Variants in LMBRD2 observed in about 807,000 individuals in gnomAD.
The protein encoded by LMBRD2 is LMBR1 domain containing 2.
A neutral mutation model predicts 94.4 loss-of-function variants in LMBRD2; 55 were observed. The observed-to-expected ratio is 0.58, with a 90% CI of 0.47 to 0.73. LMBRD2 has a LOEUF of 0.73. LMBRD2 is among the 30% of genes least tolerant of loss of function. The pLI, the probability that LMBRD2 is intolerant of heterozygous loss-of-function variation, is 0.00. For missense variants in LMBRD2, 640 were observed against 831.9 expected, an observed-to-expected ratio of 0.77 and a Z score of 2.84; for synonymous variants, 246 against 272.4, an observed-to-expected ratio of 0.90 and a Z score of 0.95.
At position 36,099,659 on chromosome 5, in the gene LMBRD2, T is replaced by C. The variant is rs1743307427; in HGVS notation, c.*4387A>G. 6.6e-6 allele frequency: 1 copy of C among 152,130 alleles called. No individual in the cohort carries two copies. Among genetic ancestry groups the C allele is most frequent in the South Asian group, 2.1e-4 (1 of 4,830 alleles). 9.4% of individuals were successfully genotyped at this position (152,130 alleles called of 1,614,324 possible). ...ATAGTAAATCATTCTTTCTACTCTT[T>C]TGAACTAAGTACAGTAAAATTCTTT... On this transcript the variant is annotated 3_prime_UTR_variant, in exon 18 of 18. Coordinates refer to ENST00000296603, the MANE Select transcript of LMBRD2 (RefSeq NM_001007527.2).
chr5:36,137,578 A>T, intron 4 of LMBRD2, 137 bp from the exon 5 acceptor site: 10 of 512,440 alleles, frequency 2.0e-5, no homozygotes, highest in Non-Finnish European at 3.4e-5. Flanking sequence ...GTAATCATGA[A>T]TACTTAATAA....
chr5:36,103,924 C>T lies in LMBRD2; in HGVS notation c.*122G>A, dbSNP rs1268504376. 1.6e-6 allele frequency: 1 copy of T among 636,540 alleles called. No individual in the cohort carries two copies. The highest frequency in any genetic ancestry group is 2.9e-5 in the East Asian group (1 of 34,862). The allele number at this position is 636,540 out of a possible 1,614,324, so 39.4% of individuals were successfully genotyped here. ...CCTAAGATATAATTAATTCTCAGTG[C>T]CTTTTTTGTTATCTTGACACTTTTC... On this transcript the variant is annotated 3_prime_UTR_variant, in exon 18 of 18. Coordinates refer to ENST00000296603, the MANE Select transcript of LMBRD2 (RefSeq NM_001007527.2).
chr5:36,149,610 A>G (rs968482021), intron 1 of LMBRD2, among the ~76,000 whole-genome samples: 1 of 152,256 alleles, frequency 6.6e-6, no homozygotes, highest in African/African-American at 2.4e-5. Flanking sequence ...TTCCTTTTAA[A>G]GAGATGTAAG....
intron 13 of LMBRD2, among the ~76,000 whole-genome samples, chr5:36,112,571 C>T (rs547772306): frequency 7.9e-5 from 12 of 152,088 alleles, no homozygotes; most frequent in East Asian, 1.9e-4. Context: ...TGAGTTAATC[C>T]GAAAATTAAG....
At position 36,142,470 on chromosome 5, in the gene LMBRD2, T is replaced by C. The variant is rs375836017; in HGVS notation, c.272+32A>G. 8 of 1,248,136 alleles carry C rather than the reference T, an allele frequency of 6.4e-6. No individual in the cohort carries two copies. The African/African-American group carries it at 1.0e-4, about 16-fold the overall frequency. The allele number at this position is 1,248,136 out of a possible 1,614,324, so 77.3% of individuals were successfully genotyped here. On this transcript the variant is annotated intron_variant, in intron 3 of 17. Transcript: ENST00000296603. ...TTTTTAAACAATGTGTCCCCTACAATGTTTATATATTTTTTTTAAAAAAGG... is the reference window on the plus strand; with the variant it reads ...TTTTTAAACAATGTGTCCCCTACAACGTTTATATATTTTTTTTAAAAAAGG...
chr5:36,132,641 A>C (rs1744181982), intron 6 of LMBRD2, among the ~76,000 whole-genome samples: 1 of 141,784 alleles, frequency 7.1e-6, no homozygotes, highest in South Asian at 2.2e-4. Context: ...AAGATTAAAA[A>C]TGGGCAAAAG....
intron 9 of LMBRD2, among the ~76,000 whole-genome samples, chr5:36,118,539 C>A (rs1017596926): frequency 6.6e-6 from 1 of 151,464 alleles, no homozygotes; most frequent in African/African-American, 2.4e-5. Flanking sequence ...GGATACAACT[C>A]TAAAATAGTA....
At chr5:36,143,845 AT>A (rs1744475286) in intron 1 of LMBRD2, among the ~76,000 whole-genome samples, 1 of 151,892 alleles carries the variant, frequency 6.6e-6, no homozygotes, top group Non-Finnish European at 1.5e-5. Context: ...ATCCTCTATA[AT>A]TTAAGATTTT....
intron 4 of LMBRD2, among the ~76,000 whole-genome samples, chr5:36,140,821 T>A (rs778604515): frequency 1.3e-5 from 2 of 152,216 alleles, no homozygotes; most frequent in Non-Finnish European, 2.9e-5. Flanking sequence ...GAGAGCCCAG[T>A]TGAATTTAAT....
intron 9 of LMBRD2, among the ~76,000 whole-genome samples, chr5:36,121,683 A>T (rs940598110): frequency 5.3e-5 from 8 of 152,198 alleles, no homozygotes; most frequent in Admixed American, 1.3e-4. Flanking sequence ...TTTTAAGTAC[A>T]GTCATGTGTC....
intron 13 of LMBRD2, 43 bp from the exon 14 acceptor site, chr5:36,111,301 A>T (rs778092168): frequency 1.6e-6 from 2 of 1,234,324 alleles, no homozygotes; most frequent in Non-Finnish European, 2.4e-6. Flanking sequence ...ATTATTTCAC[A>T]TTGTAAATAT....
At chr5:36,111,331 G>T (rs1436310471) in intron 13 of LMBRD2, 73 bp from the exon 14 acceptor site, 2 of 987,234 alleles carry the variant, frequency 2.0e-6, no homozygotes, top group East Asian at 2.6e-5. Context: ...TTGTTCTTTA[G>T]CATTGTCACT....
rs1357811603 is a variant in LMBRD2, at chr5:36,114,524, G to A, written c.1543-3C>T. 1.2e-5 allele frequency: 18 copies of A among 1,522,734 alleles called. No individual in the cohort carries two copies. Among genetic ancestry groups the A allele is most frequent in the Non-Finnish European group, 1.6e-5 (18 of 1,144,028 alleles). 94.3% of individuals were successfully genotyped at this position (1,522,734 alleles called of 1,614,324 possible). ...AAAACTTTCATGGAACCCATAATCT[G>A]AAGAGCAAGAAAAAAGTAAGTTAAA... On this transcript the variant is annotated splice_region_variant and splice_polypyrimidine_tract_variant and intron_variant, in intron 12 of 17. Transcript: ENST00000296603.
At chr5:36,136,587 G>C in intron 5 of LMBRD2, 68 bp from the exon 6 acceptor site, 1 of 1,329,560 alleles carries the variant, frequency 7.5e-7, no homozygotes. Context: ...TGCATAAATA[G>C]ACTTTAACAC....
At chr5:36,135,403 G>T (rs886278388) in intron 6 of LMBRD2, among the ~76,000 whole-genome samples, 1 of 152,212 alleles carries the variant, frequency 6.6e-6, no homozygotes, top group East Asian at 1.9e-4. Flanking sequence ...AGGAACGAAA[G>T]TTGAGTGTTA....
intron 6 of LMBRD2, among the ~76,000 whole-genome samples, chr5:36,136,011 G>A (rs1021804930): frequency 1.3e-5 from 2 of 152,078 alleles, no homozygotes; most frequent in East Asian, 1.9e-4. Flanking sequence ...ATTTAATCTC[G>A]GAGACTTTTG....
intron 13 of LMBRD2, among the ~76,000 whole-genome samples, chr5:36,113,012 T>C (rs1436950470): frequency 6.6e-6 from 1 of 152,162 alleles, no homozygotes; most frequent in Non-Finnish European, 1.5e-5. Flanking sequence ...TCAGTTCATA[T>C]TAAAAGTATT....
intron 3 of LMBRD2, 127 bp downstream of exon 3, chr5:36,142,372 AGAG>A: frequency 1.9e-6 from 1 of 527,114 alleles, no homozygotes. Context: ...AGGAAAGAAT[AGAG>A]GTGGGGAGAA....
rs953799525 is a variant in LMBRD2, at chr5:36,101,188, A to C, written c.*2858T>G. ...ATTTGGTAAGAGAGCAAATTTTAAT[A>C]ATTAAACTTATTCTTTCTTTTGTTT... is the stretch of plus-strand genomic sequence containing the variant. On this transcript the variant is annotated 3_prime_UTR_variant, in exon 18 of 18. Transcript: ENST00000296603. The C allele has an allele frequency of 6.6e-6, 1 of 152,006 alleles. No homozygotes were observed. Among genetic ancestry groups the C allele is most frequent in the African/African-American group, 2.4e-5 (1 of 41,438 alleles). 9.4% of individuals were successfully genotyped at this position (152,006 alleles called of 1,614,324 possible). A position where few individuals can be genotyped will look rare whatever the true frequency, so the allele number is the denominator to read the frequency against.
Sources: gnomAD v4.1 joint callset for allele counts (sites outside exome capture counted in the v4.1 genomes callset) on GRCh38, gnomAD v4.1.1 for gene constraint, MANE v1.5 for transcripts, NCBI Gene and HGNC (gene_info 2026-07-23, HGNC 2026-07-21) for gene names.